The following MEGF10 variants were observed in gnomAD, a reference collection of about 807,000 sequenced individuals.
MEGF10 encodes the protein multiple EGF like domains 10.
Under a neutral mutation model 147.5 loss-of-function variants are expected in MEGF10, and 86 were observed. The ratio of observed to expected loss-of-function variants is 0.58; its 90% CI spans 0.49 to 0.70. The LOEUF (loss-of-function observed/expected upper bound fraction) is 0.70. Among genes scored for constraint, MEGF10 ranks in the 30% least tolerant of loss-of-function variants. The probability of loss-of-function intolerance (pLI) is 0.00; values close to 1 mark genes in which losing one functional copy is unlikely to be tolerated. For synonymous variants in MEGF10, 478 were observed against 525.5 expected, an observed-to-expected ratio of 0.91 and a Z score of 1.24; for missense variants, 1,329 against 1,487.3, an observed-to-expected ratio of 0.89 and a Z score of 1.75.
chr5:127,266,776 C>G, the MEGF10 span, among the ~76,000 whole-genome samples: 2 of 152,100 alleles, frequency 1.3e-5, no homozygotes, highest in African/African-American at 4.8e-5. Flanking sequence ...AATTTTGTAT[C>G]CTGAGACTTC....
intron 9 of MEGF10, among the ~76,000 whole-genome samples, chr5:127,413,649 A>G (rs1024704192): frequency 1.3e-5 from 2 of 152,244 alleles, no homozygotes; most frequent in African/African-American, 4.8e-5. Context: ...TAGACAGAAA[A>G]CAGGTAATGA....
At chr5:127,419,802 A>G (rs557961641) in intron 11 of MEGF10, among the ~76,000 whole-genome samples, 48 of 152,258 alleles carry the variant, frequency 3.2e-4, no homozygotes, top group African/African-American at 1.1e-3. Flanking sequence ...TCAGTAGCCC[A>G]CTAGTATGCA....
chr5:127,296,527 CATCTT>C (rs1759511697), intron 1 of MEGF10, among the ~76,000 whole-genome samples: 1 of 152,178 alleles, frequency 6.6e-6, no homozygotes, highest in Admixed American at 6.5e-5. Flanking sequence ...CTGTTAAAAA[CATCTT>C]ATCTTTGGGA....
intron 4 of MEGF10, among the ~76,000 whole-genome samples, chr5:127,359,149 C>G (rs1762382112): frequency 6.6e-6 from 1 of 151,666 alleles, no homozygotes. Context: ...AGCAGTTCCC[C>G]AAATAAATAT....
intron 1 of MEGF10, among the ~76,000 whole-genome samples, chr5:127,298,972 G>A (rs1167830170): frequency 6.6e-6 from 1 of 152,180 alleles, no homozygotes; most frequent in African/African-American, 2.4e-5. Context: ...GTCAGAGGTA[G>A]GATCTGGGAA....
In MEGF10 at chr5:127,366,059, G is replaced by A. The variant is rs1580769298; in HGVS notation, c.320-3851G>A. Among the ~76,000 whole-genome samples, 5 of 152,162 alleles carry A rather than the reference G, an allele frequency of 3.3e-5. 1 individual carries two copies. The highest frequency in any genetic ancestry group is 3.3e-4 in the Admixed American group (5 of 15,270). On this transcript the variant is annotated intron_variant, in intron 4 of 24. Transcript: ENST00000503335. The stretch of plus-strand genomic sequence containing the variant: ...AGCCTATATTGGTTTTTCATGTGGA[G>A]CATGTTAGTTATAGAAGCAGCACCC...
At chr5:127,412,617 T>C (rs1764616763) in intron 9 of MEGF10, among the ~76,000 whole-genome samples, 1 of 152,200 alleles carries the variant, frequency 6.6e-6, no homozygotes, top group African/African-American at 2.4e-5. Context: ...GATATACACA[T>C]TGACATATAT....
intron 5 of MEGF10, among the ~76,000 whole-genome samples, chr5:127,384,922 AC>A (rs1471608748): frequency 6.6e-6 from 1 of 152,192 alleles, no homozygotes; most frequent in Non-Finnish European, 1.5e-5. Flanking sequence ...GGAATGACAC[AC>A]CACAGCCTTG....
At chr5:127,260,134 GCAACAGAGTGAGTCTC>G in the MEGF10 span, among the ~76,000 whole-genome samples, 8 of 152,098 alleles carry the variant, frequency 5.3e-5, no homozygotes, top group Admixed American at 3.9e-4. Context: ...TCCAGCCTGG[GCAACAGAGTGAGTCTC>G]CATCTCAAAA....
Position 127,331,326 on chromosome 5 carries a change from C to A in MEGF10, c.18C>A (p.Asn6Lys). MVISL[N>K]SCLSFICLLL... ...AGAAAAAAATGGTTATTTCTTTGAACTCATGCCTGAGCTTTATTTGTTTAT... is the reference window on the plus strand; with the variant it reads ...AGAAAAAAATGGTTATTTCTTTGAAATCATGCCTGAGCTTTATTTGTTTAT... The change falls in exon 2 of 25, where the codon AAC (asparagine) becomes AAA (lysine). Residue 6 changes from asparagine (N) to lysine (K), a missense_variant. Physicochemically the swap from Asn to Lys is moderately conservative, Grantham distance 94. This residue lies in a region of MEGF10 where 980 missense variants were observed against 1,085.9 expected (regional missense o/e 0.90). Transcript: ENST00000503335. The A allele has an allele frequency of 7.5e-6, 12 of 1,610,466 alleles. No homozygotes were observed. The highest frequency in any genetic ancestry group is 9.3e-6 in the Non-Finnish European group (11 of 1,177,548).
intron 9 of MEGF10, among the ~76,000 whole-genome samples, chr5:127,413,285 A>G (rs1426850273): frequency 6.6e-6 from 1 of 152,216 alleles, no homozygotes; most frequent in Non-Finnish European, 1.5e-5. Context: ...AATGATTTTG[A>G]ACAAGAAAAT....
At chr5:127,265,795 A>T in the MEGF10 span, among the ~76,000 whole-genome samples, 3 of 151,874 alleles carry the variant, frequency 2.0e-5, no homozygotes, top group African/African-American at 4.8e-5. Context: ...AATTTGTTTG[A>T]GTTCTTTGTA....
chr5:127,374,323 T>C (rs1030141883), intron 5 of MEGF10, among the ~76,000 whole-genome samples: 1 of 152,200 alleles, frequency 6.6e-6, no homozygotes, highest in African/African-American at 2.4e-5. Flanking sequence ...CGCCCCCTAT[T>C]GAAAATACTT....
chr5:127,389,002 A>T (rs1580801044), intron 5 of MEGF10, among the ~76,000 whole-genome samples: 1 of 152,200 alleles, frequency 6.6e-6, no homozygotes, highest in African/African-American at 2.4e-5. Flanking sequence ...TGCTGGTTTC[A>T]TATTAGATGA....
At chr5:127,403,017 A>C (rs2126935706) in intron 8 of MEGF10, among the ~76,000 whole-genome samples, 1 of 152,306 alleles carries the variant, frequency 6.6e-6, no homozygotes, top group African/African-American at 2.4e-5. Flanking sequence ...TGATAGATTT[A>C]TTTTTAAATG....
chr5:127,233,522 C>T, the MEGF10 span, among the ~76,000 whole-genome samples: 15 of 152,250 alleles, frequency 9.9e-5, no homozygotes, highest in Admixed American at 6.5e-4. Flanking sequence ...GAATAGGAGA[C>T]GAAAACACTG....
In MEGF10 at chr5:127,419,130, G is replaced by A. The variant is rs761883697; in HGVS notation, c.1316G>A (p.Cys439Tyr). 45 of 1,613,210 alleles carry A rather than the reference G, an allele frequency of 2.8e-5. No homozygotes were observed. The East Asian group carries it at 9.4e-4, about 34-fold the overall frequency. ...CTTGTGCCTGTCTAGGGAATTGACTGCTCTACCCCATGCCCTCTGGGAACC... is the reference window on the plus strand; with the variant it reads ...CTTGTGCCTGTCTAGGGAATTGACTACTCTACCCCATGCCCTCTGGGAACC... ...TCAPGFKGID[C>Y]STPCPLGTYG... The change falls in exon 11 of 25, where the codon TGC (cysteine) becomes TAC (tyrosine). Residue 439 changes from cysteine (C) to tyrosine (Y), a missense_variant. By Grantham distance (194) the Cys-to-Tyr change is radical. Around this residue, in one of 3 missense-constraint regions of MEGF10, gnomAD observed 980 missense variants for 1,085.9 expected, o/e 0.90. Transcript: ENST00000503335.
chr5:127,238,819 ATT>A, the MEGF10 span, among the ~76,000 whole-genome samples: 1,381 of 152,330 alleles, frequency 9.1e-3, 30 homozygotes, highest in African/African-American at 0.032. Flanking sequence ...GTCTCTTGGT[ATT>A]AAGATGGCTC....
At chr5:127,284,586 T>A in the MEGF10 span, among the ~76,000 whole-genome samples, 1 of 152,108 alleles carries the variant, frequency 6.6e-6, no homozygotes, top group South Asian at 2.1e-4. Flanking sequence ...AGATATGGGA[T>A]CATGGGCAAG....
Sources: allele counts gnomAD v4.1 joint callset (sites outside exome capture counted in the v4.1 genomes callset), GRCh38; gene constraint gnomAD v4.1.1; regional missense constraint gnomAD v4.1.1; transcripts MANE v1.5; gene names NCBI Gene and HGNC (gene_info 2026-07-23, HGNC 2026-07-21).